The following ETAA1 variants were observed in gnomAD, a reference collection of about 807,000 sequenced individuals.
The protein encoded by ETAA1 is ETAA1 activator of ATR kinase.
In ETAA1, 49 loss-of-function variants were observed where a neutral mutation model predicts 76.8. That is an observed-to-expected ratio of 0.64 (90% CI 0.51 to 0.81). ETAA1 has a LOEUF of 0.81. Among genes scored for constraint, ETAA1 ranks in the 30% least tolerant of loss-of-function variants. ETAA1 has a pLI of 0.00. For synonymous variants in ETAA1, 373 were observed against 372.2 expected (o/e 1.00, Z -0.03); for missense variants, 1,099 against 1,074.0 (o/e 1.02, Z -0.32).
Position 67,410,072 on chromosome 2 carries a change from C to CTGA in ETAA1, c.*36_*38dup. The CTGA allele has an allele frequency of 6.4e-7, 1 of 1,573,950 alleles. No homozygotes were observed. The highest frequency in any genetic ancestry group is 1.2e-5 in the South Asian group (1 of 83,728). Reference sequence around the variant, plus strand: ...TAGTTGGAAGACTTCACGAAGACTGCTGATAACTATCTGTGATTGATAGGA... The same window carrying CTGA: ...TAGTTGGAAGACTTCACGAAGACTGCTGATGATAACTATCTGTGATTGATAGGA... On this transcript the variant is annotated 3_prime_UTR_variant, in exon 6 of 6. Transcript: ENST00000272342.
At chr2:67,400,966 A>T (rs1328020597) in intron 3 of ETAA1, 1 of 152,160 alleles carries the variant, frequency 6.6e-6, no homozygotes, top group Non-Finnish European at 1.5e-5. Flanking sequence ...CCATAATAGT[A>T]CTTACTCTAT....
At position 67,397,858 on chromosome 2, in the gene ETAA1, A is replaced by C. The variant is rs80332083; in HGVS notation, c.223+187A>C. Among the ~76,000 whole-genome samples, 1,171 of 152,240 alleles carry C rather than the reference A, an allele frequency of 7.7e-3. 19 individuals are homozygous for C. The highest frequency in any genetic ancestry group is 0.027 in the African/African-American group (1,126 of 41,540). On this transcript the variant is annotated intron_variant, in intron 1 of 5. Transcript: ENST00000272342. ...TGGGCTTTTGTCCCCGAACTTCAGC[A>C]CTACCCCGTTAGGTTTGACCATCCA...
At chr2:67,401,298 ATACT>A (rs1419128641) in intron 3 of ETAA1, 2 of 151,998 alleles carry the variant, frequency 1.3e-5, no homozygotes, top group Non-Finnish European at 2.9e-5. Context: ...AGAATGACAA[ATACT>A]TATATTGTTT....
At chr2:67,408,605 T>C (rs1046560015) in intron 5 of ETAA1, among the ~76,000 whole-genome samples, 3 of 152,156 alleles carry the variant, frequency 2.0e-5, no homozygotes, top group African/African-American at 7.2e-5. Flanking sequence ...GCTTAGTACT[T>C]TACAATATTT....
At chr2:67,405,466 A>T (rs1676192166) in intron 5 of ETAA1, 131 bp downstream of exon 5, 2 of 633,494 alleles carry the variant, frequency 3.2e-6, no homozygotes, top group Non-Finnish European at 5.1e-6. Flanking sequence ...TTTAAGAATT[A>T]ACTAGAATTC....
Position 67,404,526 on chromosome 2 carries a change from A to G in ETAA1, c.1844A>G (p.Asp615Gly). The G allele has an allele frequency of 6.2e-7, 1 of 1,613,462 alleles. No homozygotes were observed. Among genetic ancestry groups the G allele is most frequent in the Non-Finnish European group, 8.5e-7 (1 of 1,179,558 alleles). Reference sequence around the variant, plus strand: ...GATGATTTGTTGTACCAAGCATGTGATGATATTGAAAGACTAACTCAGCAA... The same window carrying G: ...GATGATTTGTTGTACCAAGCATGTGGTGATATTGAAAGACTAACTCAGCAA... Reference protein sequence around the residue: ...VDDDLLYQACDDIERLTQQQD... With the variant: ...VDDDLLYQACGDIERLTQQQD... Residue 615 changes from aspartate to glycine, a missense_variant, in exon 5 of 6, where the codon GAT (aspartate) becomes GGT (glycine). Transcript: ENST00000272342.
intron 5 of ETAA1, among the ~76,000 whole-genome samples, chr2:67,408,889 A>T (rs1460299011): frequency 1.5e-5 from 1 of 67,586 alleles, no homozygotes; most frequent in Non-Finnish European, 3.0e-5. Flanking sequence ...CAGCTTTGAG[A>T]CTAAAAGTAT....
chr2:67,406,014 C>A (rs950736998), intron 5 of ETAA1, among the ~76,000 whole-genome samples: 2 of 152,018 alleles, frequency 1.3e-5, no homozygotes. Context: ...TATCTCCTTT[C>A]AATTCTTATC....
At position 67,410,902 on chromosome 2, in the gene ETAA1, T is replaced by C. The variant is rs1435119658; in HGVS notation, c.*864T>C. ...CATAAAATAACTTGAGGGAGTATTA[T>C]TTTCTAGTATAAAACAAAAGATGTA... On this transcript the variant is annotated 3_prime_UTR_variant, in exon 6 of 6. Coordinates refer to ENST00000272342, the MANE Select transcript of ETAA1 (RefSeq NM_019002.4). 6.6e-6 allele frequency: 1 copy of C among 152,100 alleles called. No individual in the cohort carries two copies. The highest frequency in any genetic ancestry group is 1.5e-5 in the Non-Finnish European group (1 of 67,982). 9.4% of individuals were successfully genotyped at this position (152,100 alleles called of 1,614,324 possible). A position where few individuals can be genotyped will look rare whatever the true frequency, so the allele number is the denominator to read the frequency against.
intron 5 of ETAA1, among the ~76,000 whole-genome samples, chr2:67,406,816 TTAATA>T (rs1558582708): frequency 2.6e-5 from 4 of 152,082 alleles, no homozygotes; most frequent in African/African-American, 7.2e-5. Context: ...TGCTTTTGCC[TTAATA>T]TATTATAGCT....
Position 67,404,645 on chromosome 2 carries a change from A to T in ETAA1, c.1963A>T (p.Ile655Phe), listed in dbSNP as rs539138569. Residue 655 changes from isoleucine (I) to phenylalanine (F), a missense_variant, in exon 5 of 6, where the codon ATT becomes TTT. Physicochemically the swap from Ile to Phe is conservative, Grantham distance 21 (BLOSUM62 0). Around this residue, in one of 3 missense-constraint regions of ETAA1, gnomAD observed 36 missense variants for 64.0 expected, o/e 0.56. Coordinates refer to ENST00000272342, the MANE Select transcript of ETAA1 (RefSeq NM_019002.4). ...AGCCAAACTAACTCAGCAACAAGAC[A>T]TTAGAAAGGACAGTAAGACATCAGA... is the stretch of plus-strand genomic sequence containing the variant. The part of the protein sequence containing the change: ...HGAKLTQQQD[I>F]RKDSKTSESI... 8 of 1,613,410 alleles carry T rather than the reference A, an allele frequency of 5.0e-6. No individual in the cohort carries two copies. The African/African-American group carries it at 1.1e-4, about 22-fold the overall frequency.
intron 5 of ETAA1, among the ~76,000 whole-genome samples, chr2:67,407,588 A>G (rs553108533): frequency 6.6e-6 from 1 of 152,206 alleles, no homozygotes; most frequent in South Asian, 2.1e-4. Context: ...AAGTCTGTGT[A>G]TAACTTTTGA....
At chr2:67,403,192 C>A (rs1290344485) in intron 4 of ETAA1, 33 bp from the exon 5 acceptor site, 2 of 1,392,264 alleles carry the variant, frequency 1.4e-6, no homozygotes, top group African/African-American at 2.9e-5. Context: ...TGTTTCAGAA[C>A]ATTTTTAGTT....
In ETAA1 at chr2:67,411,942, GTTCA is replaced by G. The variant is rs983082490; in HGVS notation, c.*1911_*1914del. On this transcript the variant is annotated 3_prime_UTR_variant, in exon 6 of 6. Transcript: ENST00000272342. ...TTTAAGAGTACTTTTAGCCTATTCTGTTCATTCATTTAGACTCAGCCTAATAAGT... is the reference window on the plus strand; with the variant it reads ...TTTAAGAGTACTTTTAGCCTATTCTGTTCATTTAGACTCAGCCTAATAAGT... 17 of 151,816 alleles carry G rather than the reference GTTCA, an allele frequency of 1.1e-4. No homozygotes were observed. The highest frequency in any genetic ancestry group is 3.9e-4 in the African/African-American group (16 of 41,346). The allele number at this position is 151,816 out of a possible 1,614,324, so 9.4% of individuals were successfully genotyped here.
intron 5 of ETAA1, 62 bp downstream of exon 5, chr2:67,405,397 A>G: frequency 7.5e-7 from 1 of 1,340,996 alleles, no homozygotes; most frequent in Non-Finnish European, 1.0e-6. Context: ...TAAAATAATT[A>G]TTTGTTGTTT....
At chr2:67,409,410 GATGAA>G (rs1240899922) in intron 5 of ETAA1, among the ~76,000 whole-genome samples, 1 of 151,864 alleles carries the variant, frequency 6.6e-6, no homozygotes, top group African/African-American at 2.4e-5. Context: ...TTCCTCAGTG[GATGAA>G]ATGAAAATTT....
rs771012384 is a variant in ETAA1 at position 67,403,728 on chromosome 2, C to T, written c.1046C>T (p.Thr349Ile). The T allele has an allele frequency of 6.8e-6, 11 of 1,613,330 alleles. No homozygotes were observed. Among genetic ancestry groups the T allele is most frequent in the Non-Finnish European group, 9.3e-6 (11 of 1,179,506 alleles). The change falls in exon 5 of 6, where the codon ACA becomes ATA. Residue 349 changes from threonine to isoleucine, a missense_variant. Transcript: ENST00000272342. ...TPRSLSSQVD[T>I]PIMTKSCVTS... ...CGATCACTTTCTTCTCAAGTAGATA[C>T]ACCCATAATGACAAAATCATGTGTG... is the stretch of plus-strand genomic sequence containing the variant.
intron 1 of ETAA1, among the ~76,000 whole-genome samples, chr2:67,398,435 A>G (rs1572905682): frequency 1.3e-5 from 2 of 151,588 alleles, no homozygotes; most frequent in Middle Eastern, 3.4e-3. Flanking sequence ...TCCCGGGTTC[A>G]AGCGATTCTC....
chr2:67,402,023 C>G (rs1442867904), intron 3 of ETAA1: 1 of 151,702 alleles, frequency 6.6e-6, no homozygotes, highest in Non-Finnish European at 1.5e-5. Context: ...AGCCTATAAT[C>G]TAGTAGTAAA....
Sources: allele counts gnomAD v4.1 joint callset (sites outside exome capture counted in the v4.1 genomes callset), GRCh38; gene constraint gnomAD v4.1.1; regional missense constraint gnomAD v4.1.1; transcripts MANE v1.5; gene names NCBI Gene and HGNC (gene_info 2026-07-23, HGNC 2026-07-21).